Variants in SETD4 observed in about 807,000 individuals in gnomAD.
SETD4 encodes the protein SET domain containing 4, also known as SET domain-containing protein 4.
Under a neutral mutation model 58.3 loss-of-function variants are expected in SETD4, and 46 were observed. The observed-to-expected ratio is 0.79, with a 90% CI of 0.62 to 1.01. The LOEUF (loss-of-function observed/expected upper bound fraction) is 1.01, where lower values mean the gene tolerates loss of function less well. Ranked by LOEUF, SETD4 falls within the 50% of genes least tolerant of loss-of-function variation. The pLI is 0.00. For missense variants in SETD4, 490 were observed against 523.3 expected, an observed-to-expected ratio of 0.94 and a Z score of 0.62; for synonymous variants, 190 against 202.6, an observed-to-expected ratio of 0.94 and a Z score of 0.53.
At chr21:36,053,486 T>A in intron 4 of SETD4, 97 bp downstream of exon 4, 1 of 1,159,406 alleles carries the variant, frequency 8.6e-7, no homozygotes. Flanking sequence ...AAGAAATGAC[T>A]GTATGTCTGA....
At position 36,052,026 on chromosome 21, in the gene SETD4, T is replaced by C. The variant is rs114995614; in HGVS notation, c.207+1557A>G. The stretch of plus-strand genomic sequence containing the variant: ...AAAAAGTTTTATGTTACATATATTT[T>C]ACAATTAAAAATTTTTAAATGATGA... On this transcript the variant is annotated intron_variant, in intron 4 of 11. Transcript: ENST00000332131. 5.8e-3 allele frequency among the ~76,000 whole-genome samples: 881 copies of C among 152,168 alleles called. 7 individuals carry two copies. The highest frequency in any genetic ancestry group is 0.02 in the African/African-American group (815 of 41,528).
At chr21:36,039,109 A>T (rs548601096) in intron 9 of SETD4, among the ~76,000 whole-genome samples, 57 of 152,324 alleles carry the variant, frequency 3.7e-4, no homozygotes, top group African/African-American at 1.2e-3. Flanking sequence ...AGTTTCAGAG[A>T]TGACAGGTGA....
intron 9 of SETD4, among the ~76,000 whole-genome samples, chr21:36,040,206 G>A (rs1004625810): frequency 6.6e-6 from 1 of 152,226 alleles, no homozygotes; most frequent in Non-Finnish European, 1.5e-5. Context: ...CAGGACCGAC[G>A]TTAGGGACTC....
intron 4 of SETD4, chr21:36,050,278 A>G (rs988034602): frequency 1.3e-6 from 2 of 1,582,094 alleles, no homozygotes; most frequent in Non-Finnish European, 8.7e-7. Flanking sequence ...AGGGAAGACT[A>G]TCCTCAAACA....
In SETD4 at chr21:36,035,493, CCCT is replaced by C. The variant is rs1181147840; in HGVS notation, c.*497_*499del. 1 of 153,470 alleles carries C rather than the reference CCCT, an allele frequency of 6.5e-6. No individual in the cohort carries two copies. The highest frequency in any genetic ancestry group is 1.5e-5 in the Non-Finnish European group (1 of 68,818). The allele number at this position is 153,470 out of a possible 1,614,324, so 9.5% of individuals were successfully genotyped here. On this transcript the variant is annotated 3_prime_UTR_variant, in exon 12 of 12. Transcript: ENST00000332131. ...GCCAGGAGCATGCTTAGAGGACATT[CCCT>C]CCTCCTGGAAGCTGTGTGTCCCCTA...
chr21:36,040,919 A>G (rs953061917), intron 8 of SETD4, among the ~76,000 whole-genome samples: 1 of 151,974 alleles, frequency 6.6e-6, no homozygotes, highest in Non-Finnish European at 1.5e-5. Flanking sequence ...CCAGCACTTT[A>G]GGAGGCCAAG....
chr21:36,039,246 CAAAG>C (rs146223751), intron 9 of SETD4, among the ~76,000 whole-genome samples: 6,395 of 152,228 alleles, frequency 0.042, 198 homozygotes, highest in African/African-American at 0.089. Context: ...ATGCTAGACT[CAAAG>C]AAACACTCAG....
chr21:36,045,094 G>A (rs929387258), intron 6 of SETD4, among the ~76,000 whole-genome samples: 1 of 152,190 alleles, frequency 6.6e-6, no homozygotes, highest in Non-Finnish European at 1.5e-5. Flanking sequence ...GCCCTGCCAT[G>A]AGCACTGAGG....
chr21:36,059,437 TG>T (rs1240868478), intron 1 of SETD4: 1 of 151,846 alleles, frequency 6.6e-6, no homozygotes, highest in Non-Finnish European at 1.5e-5. Flanking sequence ...GGCTCACGCC[TG>T]TAAAACCAGC....
intron 4 of SETD4, chr21:36,050,699 G>A: frequency 6.2e-7 from 1 of 1,608,924 alleles, no homozygotes; most frequent in African/African-American, 1.3e-5. Flanking sequence ...AGAATACGCG[G>A]GGTCATAGAG....
At chr21:36,053,686 T>G in intron 3 of SETD4, 66 bp from the exon 4 acceptor site, 2 of 1,512,304 alleles carry the variant, frequency 1.3e-6, no homozygotes, top group Non-Finnish European at 1.8e-6. Context: ...AGATAACTAT[T>G]ATGGAAAAAA....
chr21:36,045,814 TG>T lies in SETD4; in HGVS notation c.493del (p.His165ThrfsTer47), dbSNP rs2064299354. On this transcript the variant is annotated frameshift_variant, in exon 6 of 12. Transcript: ENST00000332131. LOFTEE classifies it high-confidence loss of function. ...LKAKAEEQRA[H>X]VQEFFASSRD... ...GGAGGAAGCAAAGAACTCCTGCACGTGGGCTCTCTGCTCTTCAGCCTTTGCT... is the reference window on the plus strand; with the variant it reads ...GGAGGAAGCAAAGAACTCCTGCACGTGGCTCTCTGCTCTTCAGCCTTTGCT... 6.2e-7 allele frequency: 1 copy of T among 1,614,186 alleles called. No homozygotes were observed. The highest frequency in any genetic ancestry group is 2.2e-5 in the East Asian group (1 of 44,886).
Position 36,058,927 on chromosome 21 carries a change from A to G in SETD4, c.-36-3T>C, listed in dbSNP as rs368833065. 1.6e-4 allele frequency: 245 copies of G among 1,546,778 alleles called. No homozygotes were observed. Among genetic ancestry groups the G allele is most frequent in the Non-Finnish European group, 2.0e-4 (233 of 1,150,606 alleles). ...TTTCTTTTTTCTGAAATACAGTTCTATTTTTTCAAAAAGGACAAAACTGTA... is the reference window on the plus strand; with the variant it reads ...TTTCTTTTTTCTGAAATACAGTTCTGTTTTTTCAAAAAGGACAAAACTGTA... On this transcript the variant is annotated splice_polypyrimidine_tract_variant and splice_region_variant and intron_variant, in intron 1 of 11. Coordinates refer to ENST00000332131, the MANE Select transcript of SETD4 (RefSeq NM_017438.5).
chr21:36,052,597 A>G (rs1344936392), intron 4 of SETD4, among the ~76,000 whole-genome samples: 2 of 151,954 alleles, frequency 1.3e-5, no homozygotes, highest in Non-Finnish European at 2.9e-5. Context: ...CTACTGAAAA[A>G]AAAAAGATAC....
chr21:36,051,324 C>G, intron 4 of SETD4: 1 of 1,586,762 alleles, frequency 6.3e-7, no homozygotes, highest in Non-Finnish European at 8.6e-7. Flanking sequence ...CCCAGGGTGA[C>G]TGTTCAACAT....
In SETD4 at chr21:36,036,088, A is replaced by G. The variant is rs1476678316; in HGVS notation, c.*29T>C. ...AAAATGTGTGACTAACACCCACCAG[A>G]GGAGGTGACCAAATGCGCTTCGGTG... On this transcript the variant is annotated 3_prime_UTR_variant, in exon 11 of 12. Coordinates refer to ENST00000332131, the MANE Select transcript of SETD4 (RefSeq NM_017438.5). 9 of 1,614,012 alleles carry G rather than the reference A, an allele frequency of 5.6e-6. No homozygotes were observed. The highest frequency in any genetic ancestry group is 7.6e-6 in the Non-Finnish European group (9 of 1,180,002).
chr21:36,044,188 C>G (rs997840002), intron 6 of SETD4, among the ~76,000 whole-genome samples: 1 of 152,202 alleles, frequency 6.6e-6, no homozygotes. Flanking sequence ...ACCACGACAC[C>G]CGACACAGCA....
intron 11 of SETD4, 35 bp from the exon 12 acceptor site, chr21:36,035,995 C>T: frequency 7.9e-7 from 1 of 1,270,244 alleles, no homozygotes; most frequent in Non-Finnish European, 1.1e-6. Flanking sequence ...GATTAAGTTC[C>T]TAATTGTTGA....
At chr21:36,050,790 T>C in intron 4 of SETD4, 1 of 1,612,102 alleles carries the variant, frequency 6.2e-7, no homozygotes, top group South Asian at 1.1e-5. Context: ...GCCATACTTG[T>C]TCCAGAAGTA....
Sources: gnomAD v4.1 joint callset for allele counts (sites outside exome capture counted in the v4.1 genomes callset) on GRCh38, gnomAD v4.1.1 for gene constraint, MANE v1.5 for transcripts, NCBI Gene and HGNC (gene_info 2026-07-23, HGNC 2026-07-21) for gene names.